PAFAH1B1: variants seen among roughly 807,000 people sequenced by gnomAD.
The protein encoded by PAFAH1B1 is platelet activating factor acetylhydrolase 1b regulatory subunit 1, also known as platelet-activating factor acetylhydrolase IB subunit beta.
Under a neutral mutation model 57.5 loss-of-function variants are expected in PAFAH1B1, and 2 were observed. That is an observed-to-expected ratio of 0.03 (90% confidence interval 0.01 to 0.11). The LOEUF is 0.11. PAFAH1B1 is among the 10% of genes least tolerant of loss of function. The pLI, the probability that PAFAH1B1 is intolerant of heterozygous loss-of-function variation, is 1.00. For missense variants in PAFAH1B1, 257 were observed against 512.0 expected (o/e 0.50, Z 4.81); for synonymous variants, 152 against 169.6 (o/e 0.90, Z 0.81).
intron 2 of PAFAH1B1, chr17:2,638,701 T>G (rs542433391): frequency 4.3e-6 from 1 of 231,152 alleles, no homozygotes; most frequent in East Asian, 1.2e-4. Context: ...AGAGATGGGC[T>G]TTCACCATCT....
intron 1 of PAFAH1B1, 123 bp downstream of exon 1, chr17:2,594,129 C>T (rs1567519334): frequency 2.5e-6 from 1 of 396,330 alleles, no homozygotes; most frequent in Non-Finnish European, 4.5e-6. Context: ...TTCTCCCCTC[C>T]CCCTGCCTCC....
Position 2,665,447 on chromosome 17 carries a change from A to G in PAFAH1B1, c.108A>G (p.Glu36=). The part of the protein sequence containing the change: ...EAYSVFKKEA[E]LDVNEELDKK... ...ATTCAGTTTTTAAAAAGGAAGCTGAATTAGATGTGGTATGTTTTACTTTTT... is the reference window on the plus strand; with the variant it reads ...ATTCAGTTTTTAAAAAGGAAGCTGAGTTAGATGTGGTATGTTTTACTTTTT... Residue 36 remains glutamate (E), a synonymous_variant, in exon 3 of 11, where the codon GAA becomes GAG. Coordinates refer to ENST00000397195, the MANE Select transcript of PAFAH1B1 (RefSeq NM_000430.4). The G allele has an allele frequency of 6.3e-7, 1 of 1,576,246 alleles. No homozygotes were observed. The highest frequency in any genetic ancestry group is 1.1e-5 in the South Asian group (1 of 90,230).
chr17:2,618,646 T>C (rs1035896733), intron 1 of PAFAH1B1, among the ~76,000 whole-genome samples: 5 of 151,906 alleles, frequency 3.3e-5, no homozygotes, highest in African/African-American at 1.2e-4. Context: ...TTTATTTATG[T>C]TATTTTTTTA....
At position 2,620,843 on chromosome 17, in the gene PAFAH1B1, CAA is replaced by C. The variant is rs796244209; in HGVS notation, c.-190-17255_-190-17254del. On this transcript the variant is annotated intron_variant, in intron 1 of 10. Transcript: ENST00000397195. ...CACCATTGCACTCCAGCCTGGGTGA[CAA>C]GAGCAAAACTCTGTCTCAAAAAAAA... is the stretch of plus-strand genomic sequence containing the variant. 3.3e-5 allele frequency among the ~76,000 whole-genome samples: 5 copies of C among 152,100 alleles called. No individual in the cohort carries two copies. The South Asian group carries it at 6.2e-4, about 19-fold the overall frequency.
At chr17:2,660,084 C>A (rs2068994508) in intron 2 of PAFAH1B1, among the ~76,000 whole-genome samples, 1 of 152,000 alleles carries the variant, frequency 6.6e-6, no homozygotes, top group Admixed American at 6.6e-5. Context: ...CTTGATACTG[C>A]CTGGTCTTTT....
rs1044766484 is a variant in PAFAH1B1, at chr17:2,638,132, G to T, written c.-157G>T. 6.8e-6 allele frequency: 4 copies of T among 585,674 alleles called. No homozygotes were observed. The highest frequency in any genetic ancestry group is 1.2e-5 in the Non-Finnish European group (4 of 323,976). The allele number at this position is 585,674 out of a possible 1,614,324, so 36.3% of individuals were successfully genotyped here. ...AATCTTACTTGTTGAATATCTTCTG[G>T]TTACTAGTTGGATTCATTTGTGAAA... is the stretch of plus-strand genomic sequence containing the variant. On this transcript the variant is annotated 5_prime_UTR_variant, in exon 2 of 11. Transcript: ENST00000397195.
intron 10 of PAFAH1B1, 99 bp downstream of exon 10, chr17:2,680,419 T>A: frequency 9.2e-7 from 1 of 1,083,074 alleles, no homozygotes; most frequent in South Asian, 1.2e-5. Flanking sequence ...AAGAAATGAC[T>A]GTGCTTTCAG....
intron 1 of PAFAH1B1, among the ~76,000 whole-genome samples, chr17:2,603,874 AT>A (rs1237246762): frequency 2.0e-5 from 3 of 150,570 alleles, no homozygotes; most frequent in African/African-American, 7.3e-5. Flanking sequence ...AGTAGCTGGG[AT>A]TACAGGCATG....
At chr17:2,646,191 A>G (rs1198060779) in intron 2 of PAFAH1B1, among the ~76,000 whole-genome samples, 2 of 152,206 alleles carry the variant, frequency 1.3e-5, no homozygotes, top group Non-Finnish European at 2.9e-5. Flanking sequence ...TAGTCCAGTA[A>G]ACTTAATTGA....
chr17:2,665,543 G>T (rs1567554660), intron 3 of PAFAH1B1, 87 bp downstream of exon 3: 3 of 800,434 alleles, frequency 3.7e-6, no homozygotes, highest in East Asian at 5.0e-5. Flanking sequence ...GCACAATTTT[G>T]TCATTTGTTA....
intron 1 of PAFAH1B1, among the ~76,000 whole-genome samples, chr17:2,614,531 G>A (rs2068313242): frequency 6.6e-6 from 1 of 152,200 alleles, no homozygotes; most frequent in Non-Finnish European, 1.5e-5. Flanking sequence ...ATCCCAGGAA[G>A]ACTAGATAGT....
rs138219284 is a variant in PAFAH1B1, at chr17:2,619,072, A to G, written c.-190-19027A>G. 6.1e-4 allele frequency among the ~76,000 whole-genome samples: 92 copies of G among 151,904 alleles called. 1 individual carries two copies. Among genetic ancestry groups the G allele is most frequent in the Non-Finnish European group, 1.1e-3 (74 of 67,956 alleles). ...AAGTAAGCCAATTTCAGGGACTTTTATAAGAAAGCATGTCTCAAGTTCATT... is the reference window on the plus strand; with the variant it reads ...AAGTAAGCCAATTTCAGGGACTTTTGTAAGAAAGCATGTCTCAAGTTCATT... On this transcript the variant is annotated intron_variant, in intron 1 of 10. Transcript: ENST00000397195.
intron 1 of PAFAH1B1, among the ~76,000 whole-genome samples, chr17:2,603,004 C>A (rs1369354775): frequency 1.3e-5 from 2 of 152,214 alleles, no homozygotes; most frequent in Non-Finnish European, 2.9e-5. Context: ...CTTCAAGTTT[C>A]ATTTCTAATC....
At chr17:2,612,686 T>C (rs2068281133) in intron 1 of PAFAH1B1, among the ~76,000 whole-genome samples, 1 of 152,130 alleles carries the variant, frequency 6.6e-6, no homozygotes, top group Non-Finnish European at 1.5e-5. Context: ...ACGGCTTCTC[T>C]GTAGCCTTGA....
chr17:2,613,301 T>A (rs1597517062), intron 1 of PAFAH1B1: 1 of 209,644 alleles, frequency 4.8e-6, no homozygotes, highest in South Asian at 1.1e-4. Flanking sequence ...CTGGGAAGGG[T>A]CTGGGGGCCC....
At chr17:2,615,414 C>T (rs2068326101) in intron 1 of PAFAH1B1, among the ~76,000 whole-genome samples, 1 of 152,134 alleles carries the variant, frequency 6.6e-6, no homozygotes, top group African/African-American at 2.4e-5. Flanking sequence ...AAAATGGCTT[C>T]ATTTCGAAGA....
chr17:2,670,073 T>TAACTG, intron 5 of PAFAH1B1, 90 bp from the exon 6 acceptor site: 2 of 995,772 alleles, frequency 2.0e-6, no homozygotes, highest in Admixed American at 1.7e-5. Flanking sequence ...AGTTACTCAG[T>TAACTG]AAGGTGCCAG....
intron 5 of PAFAH1B1, among the ~76,000 whole-genome samples, chr17:2,669,302 T>C (rs1337536088): frequency 1.3e-5 from 2 of 151,494 alleles, no homozygotes; most frequent in Non-Finnish European, 2.9e-5. Context: ...TTCACTCTTG[T>C]TACCCAGGCT....
intron 9 of PAFAH1B1, among the ~76,000 whole-genome samples, chr17:2,678,578 A>T (rs1264223114): frequency 6.6e-6 from 1 of 151,716 alleles, no homozygotes; most frequent in Non-Finnish European, 1.5e-5. Flanking sequence ...GGAAAAAAAA[A>T]GAAAAGAAAC....
Sources: allele counts gnomAD v4.1 joint callset (sites outside exome capture counted in the v4.1 genomes callset), GRCh38; gene constraint gnomAD v4.1.1; transcripts MANE v1.5; gene names NCBI Gene and HGNC (gene_info 2026-07-23, HGNC 2026-07-21).